Variants in ECT2L observed in about 807,000 individuals in gnomAD.
ECT2L encodes the protein epithelial cell-transforming sequence 2 oncogene-like.
Under a neutral mutation model 122.8 loss-of-function variants are expected in ECT2L, and 126 were observed. The ratio of observed to expected loss-of-function variants is 1.03; its 90% CI spans 0.89 to 1.19. The LOEUF (loss-of-function observed/expected upper bound fraction) is 1.19, where lower values mean the gene tolerates loss of function less well. ECT2L is among the 50% of genes most tolerant of loss of function. ECT2L has a pLI of 0.00. For synonymous variants in ECT2L, 385 were observed against 381.8 expected (o/e 1.01, Z -0.10); for missense variants, 1,012 against 1,064.1 (o/e 0.95, Z 0.68).
chr6:138,879,879 G>C (rs1778586059), intron 14 of ECT2L, among the ~76,000 whole-genome samples: 1 of 152,190 alleles, frequency 6.6e-6, no homozygotes, highest in African/African-American at 2.4e-5. Context: ...CTTGAACCCA[G>C]GAGGCGGAGG....
chr6:138,797,089 G>A (rs185172670), intron 1 of ECT2L, among the ~76,000 whole-genome samples: 7 of 152,116 alleles, frequency 4.6e-5, no homozygotes, highest in East Asian at 3.9e-4. Flanking sequence ...TTCTATCACC[G>A]CCTGTAAGAT....
At chr6:138,886,374 CTTTGT>C (rs1778821088) in intron 18 of ECT2L, among the ~76,000 whole-genome samples, 1 of 152,024 alleles carries the variant, frequency 6.6e-6, no homozygotes, top group Non-Finnish European at 1.5e-5. Flanking sequence ...TGTCACTTGC[CTTTGT>C]TTTAAAACAT....
chr6:138,845,709 T>A (rs756855702), intron 7 of ECT2L, among the ~76,000 whole-genome samples: 2 of 152,232 alleles, frequency 1.3e-5, no homozygotes, highest in African/African-American at 4.8e-5. Context: ...TGATGCTACA[T>A]ATGGATCTCT....
chr6:138,900,415 T>C (rs1295529304), intron 20 of ECT2L, among the ~76,000 whole-genome samples: 2 of 152,148 alleles, frequency 1.3e-5, no homozygotes, highest in East Asian at 3.9e-4. Context: ...CATGGCTAAT[T>C]TTTGTATTTT....
chr6:138,852,098 C>T (rs1036824184), intron 9 of ECT2L, among the ~76,000 whole-genome samples: 9 of 152,080 alleles, frequency 5.9e-5, no homozygotes, highest in Non-Finnish European at 5.9e-5. Flanking sequence ...GGCAACATGG[C>T]GACACCCCAT....
intron 19 of ECT2L, among the ~76,000 whole-genome samples, chr6:138,888,211 ACTCT>A (rs926952095): frequency 6.6e-6 from 1 of 151,484 alleles, no homozygotes; most frequent in Non-Finnish European, 1.5e-5. Context: ...AGTCTACAAA[ACTCT>A]CTCTGGATCA....
chr6:138,870,665 C>CTT (rs149378231), intron 13 of ECT2L, among the ~76,000 whole-genome samples: 6 of 151,516 alleles, frequency 4.0e-5, no homozygotes, highest in Non-Finnish European at 8.8e-5. Context: ...AAGAATAGTT[C>CTT]TTTTTTTTCT....
intron 9 of ECT2L, among the ~76,000 whole-genome samples, chr6:138,850,630 G>A (rs1247097994): frequency 6.6e-6 from 1 of 152,142 alleles, no homozygotes; most frequent in African/African-American, 2.4e-5. Context: ...CCATCTCTTT[G>A]AGATCCTGCT....
intron 1 of ECT2L, among the ~76,000 whole-genome samples, chr6:138,805,109 T>C (rs1775672256): frequency 6.6e-6 from 1 of 152,220 alleles, no homozygotes; most frequent in African/African-American, 2.4e-5. Flanking sequence ...GCTTCCTCTG[T>C]GTAATATATT....
At chr6:138,867,255 G>A (rs574409297) in intron 12 of ECT2L, among the ~76,000 whole-genome samples, 49 of 152,176 alleles carry the variant, frequency 3.2e-4, no homozygotes, top group Admixed American at 2.6e-3. Context: ...CAGCTTTGCC[G>A]GAGTGGGCAC....
chr6:138,890,692 A>G lies in ECT2L; in HGVS notation c.2414+1661A>G, dbSNP rs182627497. Among the ~76,000 whole-genome samples, 152 of 152,028 alleles carry G rather than the reference A, an allele frequency of 1.0e-3. 1 individual carries two copies. Among genetic ancestry groups the G allele is most frequent in the South Asian group, 4.6e-3 (22 of 4,812 alleles). ...TCAAACACTCTTCCTTTCTTTACAT[A>G]AGTTTGATTTTCTATATCATTTTTC... On this transcript the variant is annotated intron_variant, in intron 20 of 21. Transcript: ENST00000541398.
At position 138,894,151 on chromosome 6, in the gene ECT2L, G is replaced by C. The variant is rs545470146; in HGVS notation, c.2414+5120G>C. Among the ~76,000 whole-genome samples, 3 of 152,258 alleles carry C rather than the reference G, an allele frequency of 2.0e-5. No homozygotes were observed. The South Asian group carries it at 6.2e-4, about 32-fold the overall frequency. ...AGCTCACTGCAACCTCCACCTCCCA[G>C]GTTCAAGCGATTCTCCTGCCTCAGC... On this transcript the variant is annotated intron_variant, in intron 20 of 21. Coordinates refer to ENST00000541398, the MANE Select transcript of ECT2L (RefSeq NM_001077706.3).
chr6:138,883,803 C>T (rs989220247), intron 16 of ECT2L, among the ~76,000 whole-genome samples: 5 of 152,180 alleles, frequency 3.3e-5, no homozygotes, highest in African/African-American at 9.7e-5. Flanking sequence ...ATAATGATGC[C>T]TAGTTCACTA....
intron 1 of ECT2L, among the ~76,000 whole-genome samples, chr6:138,807,452 G>A (rs561228088): frequency 1.3e-5 from 2 of 152,166 alleles, no homozygotes; most frequent in South Asian, 4.2e-4. Flanking sequence ...ATTAGTGCAG[G>A]TAACAGTGTT....
chr6:138,844,503 T>C lies in ECT2L; in HGVS notation c.687T>C (p.Thr229=). 1 of 1,614,170 alleles carries C rather than the reference T, an allele frequency of 6.2e-7. No homozygotes were observed. The highest frequency in any genetic ancestry group is 1.7e-5 in the Admixed American group (1 of 60,020). ...KPRCQPRLSQ[T]VRERVGLHEA... ...GATGCCAACCACGCCTCTCCCAGAC[T>C]GTAAGGGAGCGAGTGGGATTACATG... Residue 229 remains threonine (T), a synonymous_variant, in exon 7 of 22, where the codon ACT becomes ACC. Coordinates refer to ENST00000541398, the MANE Select transcript of ECT2L (RefSeq NM_001077706.3).
Position 138,849,331 on chromosome 6 carries a change from G to A in ECT2L, c.966G>A (p.Leu322=), listed in dbSNP as rs777858889. 1.2e-6 allele frequency: 2 copies of A among 1,614,066 alleles called. No homozygotes were observed. Among genetic ancestry groups the A allele is most frequent in the Non-Finnish European group, 1.7e-6 (2 of 1,180,010 alleles). The change falls in exon 9 of 22, where the codon TTG becomes TTA. Residue 322 remains leucine, a synonymous_variant. Transcript: ENST00000541398. Reference sequence around the variant, plus strand: ...TGGTATATGAACACAGCGTAACCTTGGAAAGCCTTCTGTATCTTATAGAAA... The same window carrying A: ...TGGTATATGAACACAGCGTAACCTTAGAAAGCCTTCTGTATCTTATAGAAA... ...VSVVYEHSVT[L]ESLLYLIEKA... is the part of the protein sequence containing the mutation.
rs373683401 is a variant in ECT2L at position 138,843,008 on chromosome 6, G to A, written c.372G>A (p.Lys124=). The change falls in exon 6 of 22, where the codon AAG becomes AAA. Residue 124 remains lysine, a synonymous_variant. Transcript: ENST00000541398. The stretch of plus-strand genomic sequence containing the variant: ...GCTTATGGATGCCCAAATGCGTTAA[G>A]TTCGGATGGTTTCTGCCCTATACTC... ...QDCLWMPKCV[K]FGWFLPYTPT... is the part of the protein sequence containing the mutation. 1.9e-4 allele frequency: 304 copies of A among 1,566,390 alleles called. No homozygotes were observed. The highest frequency in any genetic ancestry group is 2.5e-4 in the Non-Finnish European group (292 of 1,148,922).
chr6:138,855,843 C>T (rs1777593039), intron 10 of ECT2L, among the ~76,000 whole-genome samples: 1 of 151,936 alleles, frequency 6.6e-6, no homozygotes, highest in African/African-American at 2.4e-5. Flanking sequence ...TATAATAGAA[C>T]AAAGCGAATA....
At chr6:138,814,357 A>G in intron 3 of ECT2L, 134 bp from the exon 4 acceptor site, 1 of 471,380 alleles carries the variant, frequency 2.1e-6, no homozygotes, top group Non-Finnish European at 3.7e-6. Context: ...TCTATATGTG[A>G]AAGCGCTCTG....
Sources: allele counts gnomAD v4.1 joint callset (sites outside exome capture counted in the v4.1 genomes callset), GRCh38; gene constraint gnomAD v4.1.1; transcripts MANE v1.5; gene names NCBI Gene and HGNC (gene_info 2026-07-23, HGNC 2026-07-21).